The following NRXN3 variants were observed in gnomAD, a reference collection of about 807,000 sequenced individuals.
NRXN3 encodes the protein neurexin III.
In NRXN3, 32 loss-of-function variants were observed where a neutral mutation model predicts 137.6. That is an observed-to-expected ratio of 0.23 (90% confidence interval 0.18 to 0.31). The LOEUF is 0.31. Ranked by LOEUF, NRXN3 falls within the 10% of genes least tolerant of loss-of-function variation. NRXN3 has a pLI of 1.00. For synonymous variants in NRXN3, 798 were observed against 784.5 expected (o/e 1.02, Z -0.29); for missense variants, 1,574 against 2,062.5 (o/e 0.76, Z 4.59).
chr14:78,986,003 A>G (rs934725466), intron 14 of NRXN3, among the ~76,000 whole-genome samples: 2 of 152,154 alleles, frequency 1.3e-5, no homozygotes, highest in African/African-American at 4.8e-5. Context: ...ATATCCTCAT[A>G]GCATTGTCTT....
chr14:78,525,926 C>G (rs1246967703), intron 4 of NRXN3, among the ~76,000 whole-genome samples: 4 of 152,130 alleles, frequency 2.6e-5, no homozygotes, highest in Non-Finnish European at 4.4e-5. Flanking sequence ...TCTTCTGGTT[C>G]TGTTTTAGTG....
At chr14:78,770,007 A>G (rs2098721640) in intron 8 of NRXN3, among the ~76,000 whole-genome samples, 1 of 151,536 alleles carries the variant, frequency 6.6e-6, no homozygotes, top group Admixed American at 6.6e-5. Context: ...TTTTGCTGTT[A>G]GGTGATAAAT....
chr14:79,262,428 G>C (rs2077753418), intron 15 of NRXN3, among the ~76,000 whole-genome samples: 1 of 150,372 alleles, frequency 6.7e-6, no homozygotes, highest in Non-Finnish European at 1.5e-5. Context: ...AAAAGGAGAA[G>C]AGGAAGGAGG....
chr14:78,892,774 CTGTGTGTGTGTGTGTGTG>C (rs58718552), intron 10 of NRXN3, among the ~76,000 whole-genome samples: 3 of 140,068 alleles, frequency 2.1e-5, no homozygotes, highest in African/African-American at 7.8e-5. Flanking sequence ...CCCCCATCTT[CTGTGTGTGTGTGTGTGTG>C]TGTGTGTGTG....
At position 78,653,743 on chromosome 14, in the gene NRXN3, A is replaced by ACACACG. The variant is rs398025852; in HGVS notation, c.1221+2417_1221+2418insCACACG. On this transcript the variant is annotated intron_variant, in intron 6 of 20. Coordinates refer to ENST00000335750, the MANE Select transcript of NRXN3 (RefSeq NM_001330195.2). ...CACACACACACACACACACACACAC[A>ACACACG]TTTTTGCTGCCCAGATAGAGAGCAG... Among the ~76,000 whole-genome samples, 118 of 151,560 alleles carry ACACACG rather than the reference A, an allele frequency of 7.8e-4. 2 individuals carry two copies. Among genetic ancestry groups the ACACACG allele is most frequent in the African/African-American group, 2.7e-3 (111 of 41,296 alleles).
intron 15 of NRXN3, among the ~76,000 whole-genome samples, chr14:79,281,371 G>A (rs945242035): frequency 2.0e-5 from 3 of 152,138 alleles, no homozygotes; most frequent in African/African-American, 7.2e-5. Flanking sequence ...GGCTATTGAG[G>A]GAAGAGATCT....
chr14:79,000,483 GC>G (rs1169681654), intron 15 of NRXN3, among the ~76,000 whole-genome samples: 1 of 152,138 alleles, frequency 6.6e-6, no homozygotes, highest in Admixed American at 6.6e-5. Flanking sequence ...TGGATGTTTG[GC>G]ATAAAGCCCC....
intron 16 of NRXN3, among the ~76,000 whole-genome samples, chr14:79,574,859 A>G (rs2097649879): frequency 6.6e-6 from 1 of 152,144 alleles, no homozygotes; most frequent in Non-Finnish European, 1.5e-5. Flanking sequence ...ACTCAATGAG[A>G]TTAGATAACA....
At chr14:79,613,216 C>A (rs1285421824) in intron 16 of NRXN3, among the ~76,000 whole-genome samples, 2 of 152,210 alleles carry the variant, frequency 1.3e-5, no homozygotes, top group Non-Finnish European at 2.9e-5. Flanking sequence ...ATATAGAAGT[C>A]TCAGATGAAA....
intron 4 of NRXN3, among the ~76,000 whole-genome samples, chr14:78,359,089 A>G (rs2084743404): frequency 1.3e-5 from 2 of 152,218 alleles, no homozygotes; most frequent in Admixed American, 1.3e-4. Flanking sequence ...AAGTGGGTCT[A>G]CAGCCCATTT....
At chr14:79,214,215 G>A (rs553330494) in intron 15 of NRXN3, among the ~76,000 whole-genome samples, 2 of 152,326 alleles carry the variant, frequency 1.3e-5, no homozygotes, top group South Asian at 4.1e-4. Context: ...AGAGAAGGTG[G>A]CAGTGAGGAC....
chr14:78,834,703 C>T (rs1177349988), intron 10 of NRXN3, among the ~76,000 whole-genome samples: 4 of 152,050 alleles, frequency 2.6e-5, no homozygotes, highest in Non-Finnish European at 5.9e-5. Flanking sequence ...GAACTGTGTT[C>T]CTGAATTTCC....
chr14:78,342,793 A>G (rs1281470891), intron 4 of NRXN3, among the ~76,000 whole-genome samples: 1 of 152,192 alleles, frequency 6.6e-6, no homozygotes, highest in East Asian at 1.9e-4. Flanking sequence ...TGTGATGGGA[A>G]GCACACTTGC....
chr14:79,558,524 A>G (rs1374872117), intron 16 of NRXN3, among the ~76,000 whole-genome samples: 2 of 151,788 alleles, frequency 1.3e-5, no homozygotes, highest in East Asian at 1.9e-4. Context: ...GTCAATGATC[A>G]GTAAAATTTT....
intron 1 of NRXN3, among the ~76,000 whole-genome samples, chr14:78,237,596 C>T (rs1275996803): frequency 1.3e-5 from 2 of 152,126 alleles, no homozygotes; most frequent in Non-Finnish European, 2.9e-5. Context: ...CAGTGAAAGT[C>T]CCGGCATTAA....
chr14:79,204,420 T>TA (rs2066504063), intron 15 of NRXN3, among the ~76,000 whole-genome samples: 1 of 151,766 alleles, frequency 6.6e-6, no homozygotes, highest in Non-Finnish European at 1.5e-5. Context: ...AAGGTTTGAG[T>TA]AAAAAAATGA....
rs542732471 is a variant in NRXN3 at position 78,598,654 on chromosome 14, G to A, written c.758-46466G>A. 4.6e-5 allele frequency among the ~76,000 whole-genome samples: 7 copies of A among 152,346 alleles called. No individual in the cohort carries two copies. The South Asian group carries it at 1.0e-3, about 23-fold the overall frequency. On this transcript the variant is annotated intron_variant, in intron 4 of 20. Coordinates refer to ENST00000335750, the MANE Select transcript of NRXN3 (RefSeq NM_001330195.2). ...GGTTTTCCAATTATCACTTCCCAAA[G>A]GGAGCTGGTTAATATGGATGAGGCT...
intron 16 of NRXN3, among the ~76,000 whole-genome samples, chr14:79,585,971 G>A (rs559882280): frequency 1.3e-5 from 2 of 152,264 alleles, no homozygotes; most frequent in Admixed American, 6.5e-5. Flanking sequence ...GCATACGAAC[G>A]CCAAGTTTGT....
At chr14:78,537,260 C>T (rs1035763745) in intron 4 of NRXN3, among the ~76,000 whole-genome samples, 5 of 152,214 alleles carry the variant, frequency 3.3e-5, no homozygotes, top group African/African-American at 9.6e-5. Flanking sequence ...ACATCCTCTC[C>T]AGCATCTTTT....
Sources: allele counts gnomAD v4.1 joint callset (sites outside exome capture counted in the v4.1 genomes callset), GRCh38; gene constraint gnomAD v4.1.1; transcripts MANE v1.5; gene names NCBI Gene and HGNC (gene_info 2026-07-23, HGNC 2026-07-21).